ZMYM2: variants seen among roughly 807,000 people sequenced by gnomAD.
ZMYM2 encodes the protein zinc finger MYM-type containing 2, also known as zinc finger MYM-type protein 2.
Under a neutral mutation model 162.8 loss-of-function variants are expected in ZMYM2, and 56 were observed. The observed-to-expected ratio is 0.34, with a 90% confidence interval of 0.28 to 0.43. The LOEUF (loss-of-function observed/expected upper bound fraction) is 0.43. Ranked by LOEUF, ZMYM2 falls within the 20% of genes least tolerant of loss-of-function variation. The pLI is 1.00. For missense variants in ZMYM2, 1,275 were observed against 1,621.8 expected (o/e 0.79, Z 3.67); for synonymous variants, 510 against 541.6 (o/e 0.94, Z 0.81).
the ZMYM2 span, among the ~76,000 whole-genome samples, chr13:19,875,412 G>A: frequency 8.6e-5 from 13 of 151,988 alleles, no homozygotes; most frequent in Non-Finnish European, 1.3e-4. Flanking sequence ...GGCAGATCAC[G>A]AGGTCAAGAG....
the ZMYM2 span, among the ~76,000 whole-genome samples, chr13:19,946,595 T>A: frequency 1.3e-5 from 2 of 152,250 alleles, no homozygotes; most frequent in African/African-American, 4.8e-5. Context: ...ACTTTCTGTT[T>A]ATTGGCTGTC....
intron 2 of ZMYM2, among the ~76,000 whole-genome samples, chr13:19,968,045 C>T (rs1462283818): frequency 6.6e-6 from 1 of 152,078 alleles, no homozygotes; most frequent in African/African-American, 2.4e-5. Flanking sequence ...TCTTCTTTTC[C>T]CTATACTTTT....
chr13:19,932,923 A>G, the ZMYM2 span, among the ~76,000 whole-genome samples: 1 of 152,006 alleles, frequency 6.6e-6, no homozygotes, highest in East Asian at 1.9e-4. Flanking sequence ...GCTGACTAAG[A>G]CACTCAGCTT....
At position 20,002,665 on chromosome 13, in the gene ZMYM2, T is replaced by C. The variant is rs114348030; in HGVS notation, c.848-185T>C. On this transcript the variant is annotated intron_variant, in intron 3 of 24. Coordinates refer to ENST00000610343, the MANE Select transcript of ZMYM2 (RefSeq NM_197968.4). ...CTAATGTTAACTATTTTAAAGAATG[T>C]AGTGCATTGTTACCGTGACATTCTT... 3.9e-3 allele frequency among the ~76,000 whole-genome samples: 594 copies of C among 152,280 alleles called. 3 individuals are homozygous for C. The highest frequency in any genetic ancestry group is 0.014 in the African/African-American group (567 of 41,548).
intron 6 of ZMYM2, among the ~76,000 whole-genome samples, chr13:20,014,928 C>T (rs1369159959): frequency 1.3e-5 from 2 of 151,948 alleles, no homozygotes; most frequent in Non-Finnish European, 2.9e-5. Flanking sequence ...CCACACCTGG[C>T]TAATTTTTGT....
At chr13:20,018,917 TAA>T (rs752497655) in intron 6 of ZMYM2, among the ~76,000 whole-genome samples, 2 of 151,820 alleles carry the variant, frequency 1.3e-5, no homozygotes, top group Non-Finnish European at 2.9e-5. Flanking sequence ...CTGTCTCTAC[TAA>T]AAATACAAAA....
Position 19,958,789 on chromosome 13 carries a change from G to C in ZMYM2, c.-132G>C, listed in dbSNP as rs1306506941. 6.5e-6 allele frequency: 1 copy of C among 152,886 alleles called. No homozygotes were observed. The highest frequency in any genetic ancestry group is 1.9e-4 in the East Asian group (1 of 5,156). The allele number at this position is 152,886 out of a possible 1,614,324, so 9.5% of individuals were successfully genotyped here. On this transcript the variant is annotated 5_prime_UTR_variant, in exon 1 of 25. Coordinates refer to ENST00000610343, the MANE Select transcript of ZMYM2 (RefSeq NM_197968.4). ...GCGGAGTTGTGCGTGTCGCCGAAGG[G>C]GGGTGGGCCGGGGGAGGGGAGGTTC... is the stretch of plus-strand genomic sequence containing the variant.
chr13:20,086,574 A>G lies in ZMYM2; in HGVS notation c.*560A>G, dbSNP rs1958280162. 1 of 206,352 alleles carries G rather than the reference A, an allele frequency of 4.8e-6. No homozygotes were observed. Among genetic ancestry groups the G allele is most frequent in the South Asian group, 1.9e-4 (1 of 5,304 alleles). The allele number at this position is 206,352 out of a possible 1,614,324, so 12.8% of individuals were successfully genotyped here. A position where few individuals can be genotyped will look rare whatever the true frequency, so the allele number is the denominator to read the frequency against. On this transcript the variant is annotated 3_prime_UTR_variant, in exon 25 of 25. Transcript: ENST00000610343. Reference sequence around the variant, plus strand: ...GCCTTACAAGGTTATGTAGAGAGATACCATCTTCTGTACCAAAAATAGACA... The same window carrying G: ...GCCTTACAAGGTTATGTAGAGAGATGCCATCTTCTGTACCAAAAATAGACA...
intron 21 of ZMYM2, among the ~76,000 whole-genome samples, chr13:20,075,723 C>T: frequency 8.3e-6 from 1 of 119,922 alleles, no homozygotes; most frequent in South Asian, 2.7e-4. Flanking sequence ...TCTCTATCGC[C>T]CAGGCTGGAG....
upstream of ZMYM2, among the ~76,000 whole-genome samples, chr13:19,955,957 TAC>T (rs1031633766): frequency 5.3e-5 from 8 of 152,084 alleles, no homozygotes; most frequent in Admixed American, 1.3e-4. Context: ...AATAGATTAA[TAC>T]ACACACACAC....
upstream of ZMYM2, among the ~76,000 whole-genome samples, chr13:19,957,697 G>A (rs1353201174): frequency 2.6e-5 from 4 of 152,242 alleles, no homozygotes; most frequent in African/African-American, 9.6e-5. Context: ...GGTGGCAGGC[G>A]GTAGAGAGGC....
chr13:20,052,633 T>C (rs183529714), intron 14 of ZMYM2, among the ~76,000 whole-genome samples: 1 of 152,164 alleles, frequency 6.6e-6, no homozygotes, highest in Non-Finnish European at 1.5e-5. Flanking sequence ...ATGGCAATAG[T>C]ATGTTTGAAA....
At chr13:20,078,003 G>C (rs1957632904) in intron 21 of ZMYM2, among the ~76,000 whole-genome samples, 1 of 152,004 alleles carries the variant, frequency 6.6e-6, no homozygotes, top group South Asian at 2.1e-4. Flanking sequence ...ATTTTTAGTA[G>C]AGACGGGGTT....
At chr13:19,871,451 A>G in the ZMYM2 span, among the ~76,000 whole-genome samples, 1 of 151,968 alleles carries the variant, frequency 6.6e-6, no homozygotes, top group Non-Finnish European at 1.5e-5. Flanking sequence ...GCATGGGGTC[A>G]TGCTCTATCG....
intron 17 of ZMYM2, among the ~76,000 whole-genome samples, chr13:20,062,490 T>G (rs1363840822): frequency 6.6e-6 from 1 of 152,200 alleles, no homozygotes; most frequent in East Asian, 1.9e-4. Context: ...CAAAGAGTAT[T>G]GAAAACTACA....
At chr13:19,985,933 C>A (rs183666632) in intron 2 of ZMYM2, among the ~76,000 whole-genome samples, 1 of 152,070 alleles carries the variant, frequency 6.6e-6, no homozygotes, top group African/African-American at 2.4e-5. Context: ...GCCTATAAAT[C>A]CCAGCTACTC....
At chr13:20,081,357 A>G (rs1957894517) in intron 21 of ZMYM2, among the ~76,000 whole-genome samples, 1 of 152,034 alleles carries the variant, frequency 6.6e-6, no homozygotes, top group Admixed American at 6.5e-5. Context: ...ATTTTATGTT[A>G]TTTTCTCTTT....
At chr13:19,918,311 G>A in the ZMYM2 span, among the ~76,000 whole-genome samples, 1 of 151,602 alleles carries the variant, frequency 6.6e-6, no homozygotes, top group Admixed American at 6.6e-5. Flanking sequence ...TGGGCGTGAT[G>A]GCAGGCGCCT....
the ZMYM2 span, among the ~76,000 whole-genome samples, chr13:19,869,703 G>A: frequency 7.9e-5 from 12 of 152,174 alleles, no homozygotes; most frequent in Admixed American, 3.3e-4. Flanking sequence ...GCTGAGGATC[G>A]CTTGAGCCCG....
Sources: allele counts gnomAD v4.1 joint callset (sites outside exome capture counted in the v4.1 genomes callset), GRCh38; gene constraint gnomAD v4.1.1; transcripts MANE v1.5; gene names NCBI Gene and HGNC (gene_info 2026-07-23, HGNC 2026-07-21).